The following HEG1 variants were observed in gnomAD, a reference collection of about 807,000 sequenced individuals.
HEG1 encodes the protein heart development protein with EGF like domains 1.
Under a neutral mutation model 125.6 loss-of-function variants are expected in HEG1, and 56 were observed. The ratio of observed to expected loss-of-function variants is 0.45; its 90% CI spans 0.36 to 0.56. The LOEUF is 0.56. Among genes scored for constraint, HEG1 ranks in the 20% least tolerant of loss-of-function variants. The pLI is 0.00. For missense variants in HEG1, 1,523 were observed against 1,670.0 expected, an observed-to-expected ratio of 0.91 and a Z score of 1.53; for synonymous variants, 644 against 668.5, an observed-to-expected ratio of 0.96 and a Z score of 0.57.
At chr3:125,003,147 G>GT (rs976206548) in intron 9 of HEG1, among the ~76,000 whole-genome samples, 13 of 152,154 alleles carry the variant, frequency 8.5e-5, no homozygotes, top group African/African-American at 3.1e-4. Flanking sequence ...TTATTAACCT[G>GT]TTTTTCCAGG....
Position 125,049,650 on chromosome 3 carries a change from C to G in HEG1, c.316+5925G>C, listed in dbSNP as rs527255728. Among the ~76,000 whole-genome samples the G allele has an allele frequency of 4.4e-4, 67 of 152,322 alleles. 2 individuals carry two copies. The South Asian group carries it at 0.013, about 29-fold the overall frequency. On this transcript the variant is annotated intron_variant, in intron 1 of 16. Transcript: ENST00000311127. ...ATCATCCCCGTGGCCAGGCAGTCTA[C>G]TACTCCAGCCTTACTCTTTTAAGTG...
chr3:124,988,846 G>A (rs1420846713), intron 14 of HEG1, among the ~76,000 whole-genome samples: 1 of 152,190 alleles, frequency 6.6e-6, no homozygotes, highest in Admixed American at 6.5e-5. Flanking sequence ...GAACCCAGGA[G>A]GCGGAGGTTG....
At position 125,009,734 on chromosome 3, in the gene HEG1, T is replaced by A; in HGVS notation, c.3164A>T (p.Tyr1055Phe). ...ATTGCATATCCCTTTTTCCAACTGG[T>A]ACCCAACCGGGCATTTGCAGATAAA... ...GSFICKCPVG[Y>F]QLEKGICNLV... The change falls in exon 8 of 17, where the codon TAC (tyrosine) becomes TTC (phenylalanine). Residue 1055 changes from tyrosine to phenylalanine, a missense_variant. Physicochemically the swap from Tyr to Phe is conservative, Grantham distance 22. Coordinates refer to ENST00000311127, the MANE Select transcript of HEG1 (RefSeq NM_020733.2). 1 of 1,613,640 alleles carries A rather than the reference T, an allele frequency of 6.2e-7. No homozygotes were observed. The highest frequency in any genetic ancestry group is 8.5e-7 in the Non-Finnish European group (1 of 1,179,654).
At chr3:125,005,439 C>A in intron 8 of HEG1, 71 bp from the exon 9 acceptor site, 1 of 784,968 alleles carries the variant, frequency 1.3e-6, no homozygotes, top group Non-Finnish European at 2.0e-6. Flanking sequence ...GTTTGCACAT[C>A]TCTGGGGTGT....
At position 125,042,226 on chromosome 3, in the gene HEG1, G is replaced by A. The variant is rs1248264377; in HGVS notation, c.317-12738C>T. Among the ~76,000 whole-genome samples, 3 of 152,250 alleles carry A rather than the reference G, an allele frequency of 2.0e-5. No homozygotes were observed. The East Asian group carries it at 5.8e-4, about 29-fold the overall frequency. On this transcript the variant is annotated intron_variant, in intron 1 of 16. Transcript: ENST00000311127. ...GTGGATCACTTGAGGTTAGGAGTTC[G>A]AGACCAGCCTGGCCAACATGGCAAA...
intron 12 of HEG1, among the ~76,000 whole-genome samples, chr3:124,991,492 G>A (rs1936833765): frequency 6.6e-6 from 1 of 152,088 alleles, no homozygotes; most frequent in Non-Finnish European, 1.5e-5. Flanking sequence ...TAACCTCTTT[G>A]TGGCTCTCAA....
chr3:125,014,765 C>T (rs773271950), intron 5 of HEG1: 147 of 1,288,816 alleles, frequency 1.1e-4, no homozygotes, highest in Middle Eastern at 1.1e-3. Flanking sequence ...CCATGTCGTC[C>T]GTCACGTTTA....
chr3:124,988,018 A>C (rs61546496), intron 14 of HEG1, among the ~76,000 whole-genome samples: 85,494 of 137,530 alleles, frequency 0.62, 27,531 homozygotes, highest in Middle Eastern at 0.74. Context: ...ACAAGACTCA[A>C]ATATCTTAAA....
rs1937459897 is a variant in HEG1 at position 125,029,209 on chromosome 3, T to C, written c.596A>G (p.Gln199Arg). Residue 199 changes from glutamine (Q) to arginine (R), a missense_variant, in exon 2 of 17, where the codon CAG becomes CGG. By Grantham distance (43) the Gln-to-Arg change is conservative. Transcript: ENST00000311127. ...SLEIATALTS[Q>R]SGNLASESLH... ...CACAAGCTCACCTAAGTTGCCACTC[T>C]GGGAAGTCAGAGCTGTTGCTATCTC... 6.2e-7 allele frequency: 1 copy of C among 1,612,242 alleles called. No individual in the cohort carries two copies. The highest frequency in any genetic ancestry group is 8.5e-7 in the Non-Finnish European group (1 of 1,179,218).
At chr3:124,987,485 T>C (rs1259351187) in intron 14 of HEG1, among the ~76,000 whole-genome samples, 2 of 151,854 alleles carry the variant, frequency 1.3e-5, no homozygotes, top group African/African-American at 4.8e-5. Context: ...TGCTGCACTT[T>C]GAGCCTCCTG....
chr3:125,038,858 A>G (rs78646455), intron 1 of HEG1, among the ~76,000 whole-genome samples: 3,567 of 152,300 alleles, frequency 0.023, 91 homozygotes, highest in Non-Finnish European at 0.032. Flanking sequence ...CCTGGGCCCA[A>G]TGAAGTCAGG....
intron 11 of HEG1, among the ~76,000 whole-genome samples, chr3:124,999,719 G>A (rs533244501): frequency 4.6e-5 from 7 of 152,308 alleles, no homozygotes; most frequent in Middle Eastern, 3.4e-3. Context: ...ATAGGACCAC[G>A]TAGAATCCCA....
At chr3:125,010,603 A>G (rs1265500553) in intron 6 of HEG1, 48 bp from the exon 7 acceptor site, 8 of 1,107,570 alleles carry the variant, frequency 7.2e-6, no homozygotes, top group Non-Finnish European at 1.1e-5. Context: ...CAGGAAATGT[A>G]AAGGCAGCTT....
intron 5 of HEG1, among the ~76,000 whole-genome samples, chr3:125,014,497 C>T (rs1937213986): frequency 6.6e-6 from 1 of 152,110 alleles, no homozygotes; most frequent in African/African-American, 2.4e-5. Context: ...AAACACTATC[C>T]CAAATTCCTT....
At chr3:125,002,745 A>G (rs1334854610) in intron 9 of HEG1, among the ~76,000 whole-genome samples, 5 of 152,168 alleles carry the variant, frequency 3.3e-5, no homozygotes, top group Non-Finnish European at 1.5e-5. Context: ...ATAATCTACA[A>G]TGAGTTGACC....
intron 16 of HEG1, among the ~76,000 whole-genome samples, chr3:124,971,764 A>G (rs557489872): frequency 4.7e-4 from 69 of 148,178 alleles, no homozygotes; most frequent in Non-Finnish European, 8.0e-4. Flanking sequence ...TGCTGGGATT[A>G]TAGGCGTGAG....
At chr3:125,054,607 T>G (rs1442687536) in intron 1 of HEG1, among the ~76,000 whole-genome samples, 2 of 152,200 alleles carry the variant, frequency 1.3e-5, no homozygotes, top group African/African-American at 2.4e-5. Flanking sequence ...CCCAGCTTAT[T>G]TGAATAGCCC....
intron 1 of HEG1, among the ~76,000 whole-genome samples, chr3:125,049,530 C>A (rs1017276315): frequency 6.6e-6 from 1 of 152,230 alleles, no homozygotes; most frequent in Non-Finnish European, 1.5e-5. Context: ...CAACCATCCA[C>A]AGAATACTTC....
chr3:125,049,853 C>T (rs1349007220), intron 1 of HEG1, among the ~76,000 whole-genome samples: 1 of 152,158 alleles, frequency 6.6e-6, no homozygotes, highest in Admixed American at 6.5e-5. Flanking sequence ...GCCCCAGCTC[C>T]AAGCAGAAAT....
Sources: gnomAD v4.1 joint callset for allele counts (sites outside exome capture counted in the v4.1 genomes callset) on GRCh38, gnomAD v4.1.1 for gene constraint, MANE v1.5 for transcripts, NCBI Gene and HGNC (gene_info 2026-07-23, HGNC 2026-07-21) for gene names.